Variants in CCDC91 observed in about 807,000 individuals in gnomAD.
The protein encoded by CCDC91 is coiled-coil domain-containing protein 91.
In CCDC91, 48 loss-of-function variants were observed where a neutral mutation model predicts 63.2. The ratio of observed to expected loss-of-function variants is 0.76; its 90% CI spans 0.60 to 0.97. The LOEUF (loss-of-function observed/expected upper bound fraction) is 0.97. Ranked by LOEUF, CCDC91 falls within the 50% of genes least tolerant of loss-of-function variation. The probability of loss-of-function intolerance (pLI) is 0.00; values close to 1 mark genes in which losing one functional copy is unlikely to be tolerated. For synonymous variants in CCDC91, 167 were observed against 165.8 expected, an observed-to-expected ratio of 1.01 and a Z score of -0.06; for missense variants, 500 against 494.6, an observed-to-expected ratio of 1.01 and a Z score of -0.10.
At chr12:28,425,758 G>C (rs768850773) in intron 8 of CCDC91, among the ~76,000 whole-genome samples, 5 of 152,142 alleles carry the variant, frequency 3.3e-5, no homozygotes, top group Admixed American at 6.6e-5. Context: ...GGACCAGCAG[G>C]CTTCAGTATC....
chr12:28,383,762 C>A (rs773750086), intron 7 of CCDC91, among the ~76,000 whole-genome samples: 1 of 152,050 alleles, frequency 6.6e-6, no homozygotes, highest in Non-Finnish European at 1.5e-5. Flanking sequence ...CATATTATTT[C>A]TTTTATATTC....
intron 6 of CCDC91, among the ~76,000 whole-genome samples, chr12:28,311,956 C>T (rs11049524): frequency 0.2 from 30,461 of 151,846 alleles, 4,003 homozygotes; most frequent in Non-Finnish European, 0.3. Flanking sequence ...ATTCCCAGGT[C>T]CCTAGTTAGT....
chr12:28,225,240 C>T (rs1360338687), intron 1 of CCDC91, among the ~76,000 whole-genome samples: 2 of 152,110 alleles, frequency 1.3e-5, no homozygotes, highest in Admixed American at 1.3e-4. Context: ...GTGCCATTTT[C>T]CCCCTTGATC....
In CCDC91 at chr12:28,417,640, T is replaced by TATATATACAC. The variant is rs57507827; in HGVS notation, c.762+26230_762+26231insTATATACACA. On this transcript the variant is annotated intron_variant, in intron 8 of 12. Transcript: ENST00000536442. ...TTTGAGATATATATATATATATATA[T>TATATATACAC]ACACACACACACACATTGTTAAATG... is the stretch of plus-strand genomic sequence containing the variant. 8.9e-5 allele frequency among the ~76,000 whole-genome samples: 10 copies of TATATATACAC among 112,148 alleles called. No homozygotes were observed. The South Asian group carries it at 1.1e-3, about 12-fold the overall frequency. The allele number at this position is 112,148 out of a possible 152,430, so 73.6% of individuals were successfully genotyped here.
chr12:28,263,195 G>A (rs1164105080), intron 3 of CCDC91, among the ~76,000 whole-genome samples: 1 of 151,798 alleles, frequency 6.6e-6, no homozygotes, highest in Non-Finnish European at 1.5e-5. Context: ...TTTTACTTCT[G>A]TACCAGTTGT....
intron 1 of CCDC91, among the ~76,000 whole-genome samples, chr12:28,208,618 A>T (rs1303333227): frequency 6.6e-6 from 1 of 152,196 alleles, no homozygotes; most frequent in East Asian, 1.9e-4. Context: ...AAAATACTTG[A>T]TATTATGAAA....
At chr12:28,424,751 A>G (rs1362142097) in intron 8 of CCDC91, among the ~76,000 whole-genome samples, 1 of 152,006 alleles carries the variant, frequency 6.6e-6, no homozygotes, top group African/African-American at 2.4e-5. Flanking sequence ...AATATCCCGA[A>G]TTTTCATGTA....
intron 11 of CCDC91, among the ~76,000 whole-genome samples, chr12:28,482,491 A>G (rs1951500416): frequency 6.6e-6 from 1 of 151,908 alleles, no homozygotes; most frequent in African/African-American, 2.4e-5. Context: ...CCAATATTAA[A>G]GTGATAGATG....
intron 6 of CCDC91, among the ~76,000 whole-genome samples, chr12:28,352,283 G>A (rs1163064080): frequency 6.6e-6 from 1 of 152,160 alleles, no homozygotes; most frequent in East Asian, 1.9e-4. Context: ...GGCTGTTGCA[G>A]TTTCTTAAAG....
intron 8 of CCDC91, among the ~76,000 whole-genome samples, chr12:28,420,554 T>C (rs1399650559): frequency 6.6e-6 from 1 of 152,116 alleles, no homozygotes; most frequent in Non-Finnish European, 1.5e-5. Flanking sequence ...CCTCAAGGTT[T>C]GTTTGTTTAC....
intron 12 of CCDC91, among the ~76,000 whole-genome samples, chr12:28,520,726 T>C (rs1940537886): frequency 6.6e-6 from 1 of 152,220 alleles, no homozygotes; most frequent in Non-Finnish European, 1.5e-5. Flanking sequence ...AAGTCTTTAA[T>C]CTATCTTGAA....
chr12:28,396,073 T>C (rs1014426005), intron 8 of CCDC91, among the ~76,000 whole-genome samples: 3 of 152,152 alleles, frequency 2.0e-5, no homozygotes, highest in Non-Finnish European at 4.4e-5. Context: ...GAATAAATAG[T>C]AATACAAAAC....
intron 3 of CCDC91, among the ~76,000 whole-genome samples, chr12:28,273,938 T>C (rs912117673): frequency 6.6e-6 from 1 of 152,202 alleles, no homozygotes; most frequent in Non-Finnish European, 1.5e-5. Context: ...TGAAGGGTAT[T>C]GCCTAGGTTT....
At chr12:28,349,289 T>C (rs1232945270) in intron 6 of CCDC91, among the ~76,000 whole-genome samples, 2 of 152,150 alleles carry the variant, frequency 1.3e-5, no homozygotes, top group East Asian at 1.9e-4. Flanking sequence ...TGTTTTGTTT[T>C]CCAGAGGTAT....
At chr12:28,362,254 G>C (rs1161837159) in intron 6 of CCDC91, among the ~76,000 whole-genome samples, 184 bp from the exon 7 acceptor site, 4 of 124,942 alleles carry the variant, frequency 3.2e-5, no homozygotes, top group Non-Finnish European at 7.8e-5. Context: ...TTGCCTCAGT[G>C]TTCTCCAATG....
intron 12 of CCDC91, among the ~76,000 whole-genome samples, chr12:28,512,657 A>G (rs1939501764): frequency 6.6e-6 from 1 of 151,874 alleles, no homozygotes; most frequent in Admixed American, 6.6e-5. Flanking sequence ...CATATGGCCT[A>G]CTAAGCCTGA....
At chr12:28,545,580 T>C (rs1942932315) in intron 12 of CCDC91, among the ~76,000 whole-genome samples, 1 of 152,058 alleles carries the variant, frequency 6.6e-6, no homozygotes, top group African/African-American at 2.4e-5. Context: ...AGTATTGTGC[T>C]CCTGTTTATT....
chr12:28,491,666 A>C (rs1952008661), intron 12 of CCDC91, among the ~76,000 whole-genome samples: 1 of 151,812 alleles, frequency 6.6e-6, no homozygotes, highest in Admixed American at 6.6e-5. Context: ...TGGTTTCTTA[A>C]AAGAATAAGC....
intron 11 of CCDC91, among the ~76,000 whole-genome samples, chr12:28,473,062 A>ATTAC (rs1950901630): frequency 6.6e-6 from 1 of 152,208 alleles, no homozygotes; most frequent in Non-Finnish European, 1.5e-5. Flanking sequence ...TGCTGCAGAT[A>ATTAC]AGTGCTATTG....
Sources: allele counts gnomAD v4.1 joint callset (sites outside exome capture counted in the v4.1 genomes callset), GRCh38; gene constraint gnomAD v4.1.1; transcripts MANE v1.5; gene names NCBI Gene and HGNC (gene_info 2026-07-23, HGNC 2026-07-21).